Variants in CA10 observed in about 807,000 individuals in gnomAD.
CA10 encodes carbonic anhydrase-related protein 10.
In CA10, 14 loss-of-function variants were observed where a neutral mutation model predicts 44.2. The ratio of observed to expected loss-of-function variants is 0.32; its 90% CI spans 0.21 to 0.50. CA10 has a LOEUF of 0.50. CA10 is among the 20% of genes least tolerant of loss of function. CA10 has a pLI of 0.99. For missense variants in CA10, 350 were observed against 409.7 expected (o/e 0.85, Z 1.26); for synonymous variants, 159 against 141.6 (o/e 1.12, Z -0.87).
At chr17:51,712,070 C>T (rs1021452896) in intron 4 of CA10, among the ~76,000 whole-genome samples, 1 of 152,268 alleles carries the variant, frequency 6.6e-6, no homozygotes. Context: ...ATAAACAAGC[C>T]TATTCTAAAG....
At chr17:51,637,987 G>T (rs928441832) in intron 6 of CA10, among the ~76,000 whole-genome samples, 5 of 152,186 alleles carry the variant, frequency 3.3e-5, no homozygotes, top group Admixed American at 2.6e-4. Context: ...TAATGTCACA[G>T]TAATAAGTGC....
intron 2 of CA10, among the ~76,000 whole-genome samples, chr17:52,033,347 A>G (rs1342925543): frequency 6.6e-6 from 1 of 152,206 alleles, no homozygotes; most frequent in Non-Finnish European, 1.5e-5. Context: ...GTATAGGTAG[A>G]ACTAATTTGG....
chr17:51,828,860 T>G (rs183621959), intron 3 of CA10, among the ~76,000 whole-genome samples: 3 of 152,238 alleles, frequency 2.0e-5, no homozygotes, highest in Non-Finnish European at 4.4e-5. Context: ...ATTAATAATA[T>G]GTGAATAATA....
At chr17:51,818,441 G>C (rs1907650011) in intron 3 of CA10, among the ~76,000 whole-genome samples, 1 of 152,094 alleles carries the variant, frequency 6.6e-6, no homozygotes, top group African/African-American at 2.4e-5. Context: ...TCCAACGCTG[G>C]CATTACATCT....
At chr17:51,876,075 C>T (rs1980058924) in intron 3 of CA10, among the ~76,000 whole-genome samples, 1 of 150,852 alleles carries the variant, frequency 6.6e-6, no homozygotes, top group African/African-American at 2.4e-5. Flanking sequence ...TGAGAGTTGT[C>T]TCCAGTTGTC....
intron 3 of CA10, among the ~76,000 whole-genome samples, chr17:51,790,145 G>A (rs779608216): frequency 1.3e-5 from 2 of 152,166 alleles, no homozygotes; most frequent in Non-Finnish European, 2.9e-5. Context: ...CACTCTGAGT[G>A]GTAGCTTTCT....
chr17:52,047,140 A>G (rs1986934265), intron 2 of CA10, among the ~76,000 whole-genome samples: 1 of 152,146 alleles, frequency 6.6e-6, no homozygotes, highest in Middle Eastern at 3.4e-3. Flanking sequence ...ATATAAAGGA[A>G]TGAACTGCTA....
At chr17:52,016,452 T>C (rs1359331766) in intron 2 of CA10, among the ~76,000 whole-genome samples, 2 of 152,114 alleles carry the variant, frequency 1.3e-5, no homozygotes, top group Admixed American at 6.6e-5. Flanking sequence ...TTGATTTGCT[T>C]TGGATGTTTC....
chr17:52,135,802 T>C (rs918674601), intron 1 of CA10, among the ~76,000 whole-genome samples: 1 of 152,224 alleles, frequency 6.6e-6, no homozygotes, highest in African/African-American at 2.4e-5. Flanking sequence ...AGGGGTCTTC[T>C]TAAAGCATAA....
chr17:52,158,107 G>A lies in CA10; in HGVS notation c.-321C>T. The A allele has an allele frequency of 2.2e-6, 1 of 461,012 alleles. No individual in the cohort carries two copies. The highest frequency in any genetic ancestry group is 4.0e-6 in the Non-Finnish European group (1 of 253,010). 28.6% of individuals were successfully genotyped at this position (461,012 alleles called of 1,614,324 possible). On this transcript the variant is annotated 5_prime_UTR_variant, in exon 1 of 9. Transcript: ENST00000451037. ...CGGCGGAAACCGCACTAGCAGCGGC[G>A]GCGGCGGCGGCGGCGGCAGCAGCCA...
At chr17:52,079,927 G>T (rs1416604506) in intron 1 of CA10, among the ~76,000 whole-genome samples, 2 of 152,146 alleles carry the variant, frequency 1.3e-5, no homozygotes, top group African/African-American at 4.8e-5. Context: ...AACCCCACTT[G>T]CCATACAAAC....
intron 3 of CA10, among the ~76,000 whole-genome samples, chr17:51,750,195 G>A (rs1404837242): frequency 1.3e-5 from 2 of 152,040 alleles, no homozygotes; most frequent in East Asian, 1.9e-4. Context: ...AAAGATATGG[G>A]ACAGCAAATC....
At chr17:51,985,009 A>G (rs1984780503) in intron 2 of CA10, among the ~76,000 whole-genome samples, 1 of 152,066 alleles carries the variant, frequency 6.6e-6, no homozygotes, top group South Asian at 2.1e-4. Flanking sequence ...TCCATAATTC[A>G]TTCTATGAAG....
At chr17:51,984,985 G>C (rs1984779385) in intron 2 of CA10, among the ~76,000 whole-genome samples, 2 of 151,906 alleles carry the variant, frequency 1.3e-5, no homozygotes, top group African/African-American at 4.8e-5. Flanking sequence ...ACAAGACAGA[G>C]AAAGAAGGAA....
intron 2 of CA10, among the ~76,000 whole-genome samples, chr17:51,954,940 A>C (rs1285866737): frequency 6.6e-6 from 1 of 152,176 alleles, no homozygotes; most frequent in Non-Finnish European, 1.5e-5. Context: ...TCTGTGTAAC[A>C]GATAATGTAT....
At chr17:51,708,704 C>T (rs1476941287) in intron 4 of CA10, among the ~76,000 whole-genome samples, 1 of 152,198 alleles carries the variant, frequency 6.6e-6, no homozygotes, top group East Asian at 1.9e-4. Flanking sequence ...TCCATCTAAT[C>T]AGCTGCCAGT....
intron 4 of CA10, among the ~76,000 whole-genome samples, chr17:51,668,710 G>A (rs748411915): frequency 7.2e-5 from 11 of 152,144 alleles, no homozygotes; most frequent in Non-Finnish European, 1.5e-4. Context: ...TGCACTGTGG[G>A]AGCCCCTCTC....
intron 3 of CA10, among the ~76,000 whole-genome samples, chr17:51,876,109 A>C (rs751425699): frequency 5.3e-5 from 8 of 151,614 alleles, no homozygotes; most frequent in Non-Finnish European, 1.2e-4. Context: ...ATGCAGCTAT[A>C]AACATTCATG....
intron 6 of CA10, among the ~76,000 whole-genome samples, chr17:51,648,652 T>C (rs577699753): frequency 6.6e-6 from 1 of 152,232 alleles, no homozygotes; most frequent in East Asian, 1.9e-4. Context: ...AGTCTGGGGA[T>C]AAAACACTCT....
Sources: gnomAD v4.1 joint callset for allele counts (sites outside exome capture counted in the v4.1 genomes callset) on GRCh38, gnomAD v4.1.1 for gene constraint, MANE v1.5 for transcripts, NCBI Gene and HGNC (gene_info 2026-07-23, HGNC 2026-07-21) for gene names.